PCDH15: variants seen among roughly 807,000 people sequenced by gnomAD.
PCDH15 encodes the protein protocadherin-15.
Under a neutral mutation model 178.5 loss-of-function variants are expected in PCDH15, and 129 were observed. The ratio of observed to expected loss-of-function variants is 0.72; its 90% CI spans 0.63 to 0.84. The LOEUF (loss-of-function observed/expected upper bound fraction) is 0.84. PCDH15 is among the 40% of genes least tolerant of loss of function. The pLI is 0.00. For synonymous variants in PCDH15, 800 were observed against 732.0 expected (o/e 1.09, Z -1.50); for missense variants, 2,230 against 2,099.9 (o/e 1.06, Z -1.21).
intron 16 of PCDH15, among the ~76,000 whole-genome samples, chr10:54,083,918 G>A (rs115039110): frequency 6.6e-6 from 1 of 151,962 alleles, no homozygotes; most frequent in East Asian, 1.9e-4. Flanking sequence ...CTATAAAAAT[G>A]GTGTTCAAAC....
chr10:55,462,703 A>C (rs1839705402), intron 2 of PCDH15, among the ~76,000 whole-genome samples: 1 of 152,180 alleles, frequency 6.6e-6, no homozygotes, highest in South Asian at 2.1e-4. Context: ...ACTTAATTAC[A>C]TCAGCAGCCT....
chr10:55,442,477 T>TA (rs1839215333), intron 2 of PCDH15, among the ~76,000 whole-genome samples: 2 of 57,782 alleles, frequency 3.5e-5, no homozygotes, highest in Non-Finnish European at 5.8e-5. Context: ...ATATTATATA[T>TA]ATATTATATA....
At chr10:55,096,642 C>T (rs1842455877) in intron 2 of PCDH15, among the ~76,000 whole-genome samples, 1 of 152,024 alleles carries the variant, frequency 6.6e-6, no homozygotes, top group Non-Finnish European at 1.5e-5. Flanking sequence ...TCCCGATTTC[C>T]CCTACCACCC....
At chr10:55,530,446 C>G (rs1267278351) in intron 2 of PCDH15, among the ~76,000 whole-genome samples, 2 of 152,074 alleles carry the variant, frequency 1.3e-5, no homozygotes, top group East Asian at 3.9e-4. Flanking sequence ...CTCTTGTGTA[C>G]ATGACCTGAG....
At chr10:54,942,086 C>T (rs1444008577) in intron 2 of PCDH15, among the ~76,000 whole-genome samples, 1 of 152,062 alleles carries the variant, frequency 6.6e-6, no homozygotes, top group African/African-American at 2.4e-5. Context: ...GACTGATTTT[C>T]AGGAATCAAA....
At chr10:54,035,131 G>A (rs1332809384) in intron 18 of PCDH15, among the ~76,000 whole-genome samples, 1 of 151,862 alleles carries the variant, frequency 6.6e-6, no homozygotes, top group African/African-American at 2.4e-5. Flanking sequence ...TATTTATGGA[G>A]TGTAACTGTT....
intron 3 of PCDH15, among the ~76,000 whole-genome samples, chr10:54,820,128 A>T (rs1953013440): frequency 6.6e-6 from 1 of 152,048 alleles, no homozygotes; most frequent in Non-Finnish European, 1.5e-5. Context: ...TGACAAGGAA[A>T]GTAATCTTAG....
intron 1 of PCDH15, among the ~76,000 whole-genome samples, chr10:54,720,809 C>T (rs577674507): frequency 1.2e-4 from 18 of 152,012 alleles, no homozygotes; most frequent in Middle Eastern, 3.4e-3. Context: ...ACTTCAACAC[C>T]CTATTGACAC....
chr10:55,276,907 G>A (rs1842610235), intron 1 of PCDH15, among the ~76,000 whole-genome samples: 1 of 151,908 alleles, frequency 6.6e-6, no homozygotes, highest in South Asian at 2.1e-4. Context: ...TGAACTCAGG[G>A]CTCTCAAAGC....
At chr10:55,418,411 T>G (rs1043629126) in intron 2 of PCDH15, among the ~76,000 whole-genome samples, 3 of 151,718 alleles carry the variant, frequency 2.0e-5, no homozygotes, top group Non-Finnish European at 4.4e-5. Flanking sequence ...ATGTGCGTAG[T>G]GGGATCAAAA....
chr10:55,010,257 A>G (rs902140810), intron 2 of PCDH15, among the ~76,000 whole-genome samples: 2 of 152,180 alleles, frequency 1.3e-5, no homozygotes, highest in African/African-American at 4.8e-5. Context: ...TCCAGTATGC[A>G]GATAGACTAA....
intron 6 of PCDH15, among the ~76,000 whole-genome samples, chr10:54,336,981 G>T (rs1373904641): frequency 1.3e-5 from 2 of 152,160 alleles, no homozygotes; most frequent in African/African-American, 4.8e-5. Flanking sequence ...GCATCAGCAT[G>T]ACCTGGATGT....
intron 29 of PCDH15, among the ~76,000 whole-genome samples, chr10:53,835,007 A>G (rs964430105): frequency 6.6e-6 from 1 of 152,178 alleles, no homozygotes; most frequent in East Asian, 1.9e-4. Flanking sequence ...CATTCATTAC[A>G]CTGTATAAGA....
intron 1 of PCDH15, among the ~76,000 whole-genome samples, chr10:55,255,611 C>T (rs1841975047): frequency 1.3e-5 from 2 of 152,034 alleles, no homozygotes; most frequent in Admixed American, 6.6e-5. Flanking sequence ...CTCTCCAGCA[C>T]CTGTTGTTTC....
intron 2 of PCDH15, among the ~76,000 whole-genome samples, chr10:55,025,656 A>T (rs923371256): frequency 2.0e-5 from 3 of 152,048 alleles, no homozygotes; most frequent in Admixed American, 2.0e-4. Flanking sequence ...TATAAAATAT[A>T]TATTTTATCA....
intron 17 of PCDH15, among the ~76,000 whole-genome samples, chr10:54,073,626 G>A (rs982983388): frequency 1.3e-5 from 2 of 152,120 alleles, no homozygotes; most frequent in Non-Finnish European, 2.9e-5. Flanking sequence ...CAAGTGTTCA[G>A]ACTGAAAGCC....
At chr10:55,188,126 A>C (rs1839846644) in intron 1 of PCDH15, among the ~76,000 whole-genome samples, 1 of 151,998 alleles carries the variant, frequency 6.6e-6, no homozygotes, top group African/African-American at 2.4e-5. Flanking sequence ...ATAAGCAAAC[A>C]GTTTAAAACA....
intron 2 of PCDH15, among the ~76,000 whole-genome samples, chr10:54,941,001 T>C (rs1478562087): frequency 6.6e-6 from 1 of 152,098 alleles, no homozygotes; most frequent in Non-Finnish European, 1.5e-5. Flanking sequence ...GTTTCATTTA[T>C]TTACTTTTGA....
At chr10:55,456,819 T>C (rs1839564294) in intron 2 of PCDH15, among the ~76,000 whole-genome samples, 2 of 152,026 alleles carry the variant, frequency 1.3e-5, no homozygotes, top group Admixed American at 6.6e-5. Flanking sequence ...GATAATGCTG[T>C]TGAGTCTGGT....
Sources: gnomAD v4.1 joint callset for allele counts (sites outside exome capture counted in the v4.1 genomes callset) on GRCh38, gnomAD v4.1.1 for gene constraint, MANE v1.5 for transcripts, NCBI Gene and HGNC (gene_info 2026-07-23, HGNC 2026-07-21) for gene names.